Variants in FAF1 observed in about 807,000 individuals in gnomAD.
FAF1 encodes Fas associated factor 1.
A neutral mutation model predicts 92.5 loss-of-function variants in FAF1; 25 were observed. The ratio of observed to expected loss-of-function variants is 0.27; its 90% CI spans 0.20 to 0.38. The LOEUF (loss-of-function observed/expected upper bound fraction) is 0.38, where lower values mean the gene tolerates loss of function less well. Ranked by LOEUF, FAF1 falls within the 10% of genes least tolerant of loss-of-function variation. The pLI, the probability that FAF1 is intolerant of heterozygous loss-of-function variation, is 1.00. For synonymous variants in FAF1, 234 were observed against 273.2 expected, an observed-to-expected ratio of 0.86 and a Z score of 1.42; for missense variants, 636 against 793.3, an observed-to-expected ratio of 0.80 and a Z score of 2.38.
At chr1:50,730,886 A>G (rs1308189984) in intron 6 of FAF1, among the ~76,000 whole-genome samples, 2 of 152,198 alleles carry the variant, frequency 1.3e-5, no homozygotes, top group Non-Finnish European at 2.9e-5. Flanking sequence ...CCTGCTTCAC[A>G]TGACACAGGG....
intron 15 of FAF1, among the ~76,000 whole-genome samples, chr1:50,523,051 T>C (rs1557980266): frequency 6.6e-6 from 1 of 152,190 alleles, no homozygotes; most frequent in Non-Finnish European, 1.5e-5. Flanking sequence ...TTATTTTACT[T>C]AGCATATTTT....
At chr1:50,861,257 GAGACTGCT>G (rs1385220060) in intron 1 of FAF1, among the ~76,000 whole-genome samples, 1 of 151,736 alleles carries the variant, frequency 6.6e-6, no homozygotes, top group Non-Finnish European at 1.5e-5. Flanking sequence ...TTAAAAACAA[GAGACTGCT>G]ATGGATTGAA....
chr1:50,554,628 A>G (rs1649482571), intron 13 of FAF1, among the ~76,000 whole-genome samples: 1 of 152,046 alleles, frequency 6.6e-6, no homozygotes, highest in Admixed American at 6.6e-5. Flanking sequence ...ACACCCCACT[A>G]AAATCACTCT....
intron 18 of FAF1, chr1:50,451,845 G>A (rs1646297313): frequency 2.3e-5 from 23 of 1,004,862 alleles, no homozygotes; most frequent in South Asian, 1.3e-4. Flanking sequence ...CCTAGCCTAT[G>A]CCTTTAGATG....
intron 5 of FAF1, among the ~76,000 whole-genome samples, chr1:50,743,552 C>T (rs1382661432): frequency 2.0e-5 from 3 of 151,518 alleles, no homozygotes; most frequent in Admixed American, 6.6e-5. Flanking sequence ...GGTCTCGAAC[C>T]CCTGACCTCA....
intron 1 of FAF1, among the ~76,000 whole-genome samples, chr1:50,910,082 T>C (rs1644872485): frequency 6.6e-6 from 1 of 152,232 alleles, no homozygotes; most frequent in Non-Finnish European, 1.5e-5. Context: ...CCTTTCTGTT[T>C]GTTAGTTTTC....
intron 13 of FAF1, among the ~76,000 whole-genome samples, chr1:50,551,178 T>A (rs1283969034): frequency 6.6e-6 from 1 of 152,188 alleles, no homozygotes. Flanking sequence ...ATAGCTATTA[T>A]GTCAATTTTT....
chr1:50,640,708 C>A lies in FAF1; in HGVS notation c.744+14734G>T, dbSNP rs568919414. 2.6e-5 allele frequency among the ~76,000 whole-genome samples: 4 copies of A among 152,104 alleles called. No homozygotes were observed. The South Asian group carries it at 8.3e-4, about 32-fold the overall frequency. On this transcript the variant is annotated intron_variant, in intron 8 of 18. Coordinates refer to ENST00000396153, the MANE Select transcript of FAF1 (RefSeq NM_007051.3). ...ATCGGCCCAAAGTCATTCACATTTC[C>A]TTTTCATCTTTTAACTGTCTGTATG...
intron 2 of FAF1, among the ~76,000 whole-genome samples, chr1:50,830,888 C>T (rs1025271953): frequency 1.3e-5 from 2 of 151,964 alleles, no homozygotes; most frequent in African/African-American, 4.8e-5. Context: ...AACCTAAACC[C>T]ATTTGGAAGA....
intron 3 of FAF1, among the ~76,000 whole-genome samples, chr1:50,790,681 C>G (rs1301188764): frequency 6.6e-6 from 1 of 151,600 alleles, no homozygotes; most frequent in Non-Finnish European, 1.5e-5. Flanking sequence ...TTGTATGTAT[C>G]TTCCACGACC....
intron 4 of FAF1, among the ~76,000 whole-genome samples, chr1:50,761,809 A>C (rs945561661): frequency 6.6e-6 from 1 of 152,272 alleles, no homozygotes; most frequent in Admixed American, 6.5e-5. Flanking sequence ...CACCGCTCCT[A>C]TTCAACATAG....
intron 7 of FAF1, among the ~76,000 whole-genome samples, chr1:50,686,384 A>G (rs1656657833): frequency 6.6e-6 from 1 of 152,054 alleles, no homozygotes; most frequent in Admixed American, 6.6e-5. Context: ...CCCTACTAAA[A>G]ATACAAAATT....
At chr1:50,791,216 T>A (rs1013311319) in intron 3 of FAF1, among the ~76,000 whole-genome samples, 13 of 152,208 alleles carry the variant, frequency 8.5e-5, no homozygotes, top group Non-Finnish European at 1.8e-4. Flanking sequence ...AAATCCAAAG[T>A]GAGCTCTTAA....
At chr1:50,548,816 T>C (rs1252513642) in intron 13 of FAF1, among the ~76,000 whole-genome samples, 4 of 152,244 alleles carry the variant, frequency 2.6e-5, no homozygotes, top group Non-Finnish European at 5.9e-5. Flanking sequence ...AGCAGCATAG[T>C]ATTGTGGGAA....
intron 2 of FAF1, among the ~76,000 whole-genome samples, chr1:50,814,616 C>T (rs71651160): frequency 4.6e-5 from 7 of 152,034 alleles, no homozygotes; most frequent in Non-Finnish European, 1.0e-4. Flanking sequence ...TAGTTAGATA[C>T]GTAAGAGTAA....
chr1:50,753,573 T>G (rs1251280330), intron 4 of FAF1, among the ~76,000 whole-genome samples: 3 of 152,194 alleles, frequency 2.0e-5, no homozygotes, highest in Non-Finnish European at 4.4e-5. Flanking sequence ...CAGTATTTTC[T>G]TCAATGTCAG....
intron 13 of FAF1, 36 bp from the exon 14 acceptor site, chr1:50,539,764 T>C (rs1266045765): frequency 3.9e-6 from 6 of 1,540,412 alleles, no homozygotes; most frequent in Non-Finnish European, 5.4e-6. Context: ...AGTTTTGCTT[T>C]GTAGTTTAAT....
chr1:50,617,398 G>A (rs1373204473), intron 8 of FAF1, among the ~76,000 whole-genome samples: 1 of 152,162 alleles, frequency 6.6e-6, no homozygotes, highest in Non-Finnish European at 1.5e-5. Context: ...TGCGTCTATT[G>A]AGATGATCAT....
intron 8 of FAF1, among the ~76,000 whole-genome samples, chr1:50,631,359 T>C (rs533262604): frequency 6.6e-6 from 1 of 152,326 alleles, no homozygotes; most frequent in African/African-American, 2.4e-5. Flanking sequence ...CATCAGGACA[T>C]AAATCATCCC....
Sources: gnomAD v4.1 joint callset for allele counts (sites outside exome capture counted in the v4.1 genomes callset) on GRCh38, gnomAD v4.1.1 for gene constraint, MANE v1.5 for transcripts, NCBI Gene and HGNC (gene_info 2026-07-23, HGNC 2026-07-21) for gene names.